The following TMEM108 variants were observed in gnomAD, a reference collection of about 807,000 sequenced individuals.
The protein encoded by TMEM108 is transmembrane protein 108.
In TMEM108, 12 loss-of-function variants were observed where a neutral mutation model predicts 35.1. The observed-to-expected ratio is 0.34, with a 90% CI of 0.22 to 0.55. The LOEUF is 0.55. TMEM108 is among the 20% of genes least tolerant of loss of function. The pLI is 0.89. For synonymous variants in TMEM108, 287 were observed against 308.6 expected, an observed-to-expected ratio of 0.93 and a Z score of 0.73; for missense variants, 680 against 753.3, an observed-to-expected ratio of 0.90 and a Z score of 1.14.
chr3:133,210,618 A>G (rs1945822289), intron 2 of TMEM108, among the ~76,000 whole-genome samples: 1 of 152,218 alleles, frequency 6.6e-6, no homozygotes, highest in African/African-American at 2.4e-5. Context: ...AGAATTATCA[A>G]CATAATGATA....
chr3:133,128,189 A>G (rs1944442251), intron 2 of TMEM108, among the ~76,000 whole-genome samples: 1 of 152,170 alleles, frequency 6.6e-6, no homozygotes, highest in African/African-American at 2.4e-5. Flanking sequence ...GAAGTCTGTC[A>G]TTTTCTCTTG....
chr3:133,184,188 T>C (rs937043178), intron 2 of TMEM108, among the ~76,000 whole-genome samples: 1 of 152,216 alleles, frequency 6.6e-6, no homozygotes, highest in African/African-American at 2.4e-5. Flanking sequence ...TGAAGCTGGC[T>C]TGGATATTTA....
chr3:133,280,099 G>C (rs1946892679), intron 3 of TMEM108, among the ~76,000 whole-genome samples: 1 of 152,128 alleles, frequency 6.6e-6, no homozygotes. Flanking sequence ...CCAGTCAGAG[G>C]AGTCAGGTGA....
Position 133,084,721 on chromosome 3 carries a change from A to G in TMEM108, c.-47+38701A>G, listed in dbSNP as rs183097302. Reference sequence around the variant, plus strand: ...TATGCAAAGGTGAGGAACAAGAACTATTAACATCCCATTTGCAAATGAGAT... The same window carrying G: ...TATGCAAAGGTGAGGAACAAGAACTGTTAACATCCCATTTGCAAATGAGAT... On this transcript the variant is annotated intron_variant, in intron 2 of 5. Transcript: ENST00000321871. 2.6e-5 allele frequency among the ~76,000 whole-genome samples: 4 copies of G among 152,338 alleles called. No individual in the cohort carries two copies. In the East Asian group the frequency reaches 7.7e-4, roughly 29 times the overall value.
At chr3:133,302,775 C>T (rs1251332794) in intron 3 of TMEM108, among the ~76,000 whole-genome samples, 2 of 152,074 alleles carry the variant, frequency 1.3e-5, no homozygotes, top group Non-Finnish European at 1.5e-5. Context: ...TATTTTTACT[C>T]GAATTGTTTG....
intron 2 of TMEM108, among the ~76,000 whole-genome samples, chr3:133,084,256 T>A (rs1173670303): frequency 9.2e-5 from 14 of 152,230 alleles, no homozygotes; most frequent in Admixed American, 9.2e-4. Context: ...ATCTGAATCA[T>A]GAATGTTAGG....
At chr3:133,343,826 C>T (rs2071734872) in intron 3 of TMEM108, among the ~76,000 whole-genome samples, 1 of 151,528 alleles carries the variant, frequency 6.6e-6, no homozygotes, top group Non-Finnish European at 1.5e-5. Context: ...TTAATATATG[C>T]AAAATGAAAA....
chr3:133,393,979 A>G (rs74707458), intron 5 of TMEM108, among the ~76,000 whole-genome samples: 2,991 of 152,342 alleles, frequency 0.02, 92 homozygotes, highest in African/African-American at 0.064. Context: ...CACAAAGCTC[A>G]GCTTGGCTTC....
At chr3:133,334,659 A>T (rs1207756897) in intron 3 of TMEM108, among the ~76,000 whole-genome samples, 2 of 152,178 alleles carry the variant, frequency 1.3e-5, no homozygotes, top group Non-Finnish European at 2.9e-5. Flanking sequence ...ACACGCTTTC[A>T]AGTCTGTAAC....
At chr3:133,249,716 G>A (rs1239939927) in intron 3 of TMEM108, among the ~76,000 whole-genome samples, 1 of 152,090 alleles carries the variant, frequency 6.6e-6, no homozygotes, top group Non-Finnish European at 1.5e-5. Flanking sequence ...ACTGTTGATA[G>A]GTACCTCAGT....
At chr3:133,141,534 A>G (rs761992831) in intron 2 of TMEM108, among the ~76,000 whole-genome samples, 2 of 152,184 alleles carry the variant, frequency 1.3e-5, no homozygotes, top group Admixed American at 6.5e-5. Context: ...GATGGGCTGT[A>G]TTAATATTCA....
At chr3:133,373,985 G>A (rs1008138857) in intron 3 of TMEM108, among the ~76,000 whole-genome samples, 2 of 152,198 alleles carry the variant, frequency 1.3e-5, no homozygotes, top group Non-Finnish European at 2.9e-5. Flanking sequence ...GGCTGGGGCT[G>A]GGACAGCTGG....
chr3:133,380,031 C>T lies in TMEM108; in HGVS notation c.320C>T (p.Pro107Leu). ...ACCATCGCTGCGACAGTAACCGCCC[C>T]CCATTCTGAAAGCTCCCTGTCCACA... ...ISTIAATVTA[P>L]HSESSLSTGP... Residue 107 changes from proline to leucine, a missense_variant, in exon 4 of 6, where the codon CCC becomes CTC. Pro to Leu is a moderately conservative substitution (Grantham distance 98, BLOSUM62 -3). Coordinates refer to ENST00000321871, the MANE Select transcript of TMEM108 (RefSeq NM_023943.4). The surrounding 1 kb of genome is among the most constrained non-coding windows in gnomAD (Gnocchi z 5.3). The T allele has an allele frequency of 1.2e-6, 2 of 1,614,020 alleles. No homozygotes were observed. The highest frequency in any genetic ancestry group is 1.7e-6 in the Non-Finnish European group (2 of 1,179,996).
At chr3:133,314,894 C>G (rs947750110) in intron 3 of TMEM108, among the ~76,000 whole-genome samples, 1 of 152,222 alleles carries the variant, frequency 6.6e-6, no homozygotes, top group East Asian at 1.9e-4. Flanking sequence ...TTGCATAGCT[C>G]TTTGCCCTTT....
intron 2 of TMEM108, among the ~76,000 whole-genome samples, chr3:133,097,269 C>T (rs1944026662): frequency 6.6e-6 from 1 of 152,182 alleles, no homozygotes; most frequent in Admixed American, 6.5e-5. Flanking sequence ...TAATGAATTT[C>T]AAGTATACTT....
In TMEM108 at chr3:133,167,957, G is replaced by A. The variant is rs1945069519; in HGVS notation, c.-46-61309G>A. 2.6e-5 allele frequency among the ~76,000 whole-genome samples: 4 copies of A among 152,258 alleles called. No homozygotes were observed. The South Asian group carries it at 8.3e-4, about 32-fold the overall frequency. On this transcript the variant is annotated intron_variant, in intron 2 of 5. Coordinates refer to ENST00000321871, the MANE Select transcript of TMEM108 (RefSeq NM_023943.4). ...CTGTCACCTCTCAGTTTATTCCAAGGGTAGGAGTGTGTGACTTAACCCTTT... is the reference window on the plus strand; with the variant it reads ...CTGTCACCTCTCAGTTTATTCCAAGAGTAGGAGTGTGTGACTTAACCCTTT...
At chr3:133,129,384 A>G (rs1204012798) in intron 2 of TMEM108, among the ~76,000 whole-genome samples, 3 of 145,298 alleles carry the variant, frequency 2.1e-5, no homozygotes, top group Non-Finnish European at 4.5e-5. Context: ...GAAACACTAA[A>G]TTAGTTCTTT....
intron 2 of TMEM108, among the ~76,000 whole-genome samples, chr3:133,122,062 G>T (rs1944359380): frequency 6.6e-6 from 1 of 152,180 alleles, no homozygotes; most frequent in South Asian, 2.1e-4. Flanking sequence ...TTAAACATCA[G>T]TTAGAATTCT....
At chr3:133,323,114 C>T (rs2071286932) in intron 3 of TMEM108, among the ~76,000 whole-genome samples, 2 of 152,146 alleles carry the variant, frequency 1.3e-5, no homozygotes, top group South Asian at 2.1e-4. Context: ...CAATGATGCC[C>T]ACTTTCTCCA....
Sources: gnomAD v4.1 joint callset for allele counts (sites outside exome capture counted in the v4.1 genomes callset) on GRCh38, gnomAD v4.1.1 for gene constraint, Gnocchi (gnomAD v3.1) non-coding constraint, MANE v1.5 for transcripts, NCBI Gene and HGNC (gene_info 2026-07-23, HGNC 2026-07-21) for gene names.